HECW1: variants seen among roughly 807,000 people sequenced by gnomAD.
HECW1 encodes the protein HECT, C2 and WW domain containing E3 ubiquitin protein ligase 1, also known as E3 ubiquitin-protein ligase HECW1.
HECW1 carries 61 observed loss-of-function variants against 182.3 expected under a neutral mutation model. That is an observed-to-expected ratio of 0.33 (90% CI 0.27 to 0.41). The LOEUF is 0.41. Among genes scored for constraint, HECW1 ranks in the 10% least tolerant of loss-of-function variants. HECW1 has a pLI of 1.00. For missense variants in HECW1, 1,739 were observed against 2,108.9 expected, an observed-to-expected ratio of 0.82 and a Z score of 3.44; for synonymous variants, 859 against 832.6, an observed-to-expected ratio of 1.03 and a Z score of -0.55.
In HECW1 at chr7:43,288,951, C is replaced by T. The variant is rs1024064593; in HGVS notation, c.28-22812C>T. Reference sequence around the variant, plus strand: ...TACGGGGATATCCAGGTGCGCTATACGCAGTCAAATACAAGCTCCACACAG... The same window carrying T: ...TACGGGGATATCCAGGTGCGCTATATGCAGTCAAATACAAGCTCCACACAG... On this transcript the variant is annotated intron_variant, in intron 3 of 29. Coordinates refer to ENST00000395891, the MANE Select transcript of HECW1 (RefSeq NM_015052.5). Among the ~76,000 whole-genome samples the T allele has an allele frequency of 2.6e-5, 4 of 152,242 alleles. No individual in the cohort carries two copies. The East Asian group carries it at 5.8e-4, about 22-fold the overall frequency.
intron 2 of HECW1, among the ~76,000 whole-genome samples, chr7:43,219,449 A>G (rs1796757624): frequency 1.3e-5 from 2 of 152,092 alleles, no homozygotes; most frequent in African/African-American, 2.4e-5. Flanking sequence ...TACCGAGCTA[A>G]AGAAGGAAGG....
chr7:43,465,774 G>A (rs916609890), intron 14 of HECW1, among the ~76,000 whole-genome samples: 4 of 152,000 alleles, frequency 2.6e-5, no homozygotes, highest in African/African-American at 7.3e-5. Context: ...GCCTGTAGTC[G>A]CAGCTACTCA....
At chr7:43,208,232 A>C (rs1718412691) in intron 2 of HECW1, among the ~76,000 whole-genome samples, 1 of 152,160 alleles carries the variant, frequency 6.6e-6, no homozygotes. Flanking sequence ...AATTCTCTGA[A>C]GTCTGCTCTT....
intron 5 of HECW1, among the ~76,000 whole-genome samples, chr7:43,344,080 C>A (rs1813373022): frequency 6.6e-6 from 1 of 151,734 alleles, no homozygotes; most frequent in Non-Finnish European, 1.5e-5. Flanking sequence ...TGTTCATATC[C>A]TTTGCCCACT....
chr7:43,518,026 C>G (rs963294968), intron 24 of HECW1, among the ~76,000 whole-genome samples: 1 of 152,106 alleles, frequency 6.6e-6, no homozygotes, highest in Non-Finnish European at 1.5e-5. Flanking sequence ...TTAGATTCCT[C>G]TCTACTTTGA....
Position 43,307,986 on chromosome 7 carries a change from C to CATATAAT in HECW1, c.28-3759_28-3753dup, listed in dbSNP as rs1169532465. 4.3e-5 allele frequency among the ~76,000 whole-genome samples: 5 copies of CATATAAT among 115,836 alleles called. No homozygotes were observed. In the East Asian group the frequency reaches 6.8e-4, roughly 16 times the overall value. The allele number at this position is 115,836 out of a possible 152,430, so 76.0% of individuals were successfully genotyped here. On this transcript the variant is annotated intron_variant, in intron 3 of 29. Coordinates refer to ENST00000395891, the MANE Select transcript of HECW1 (RefSeq NM_015052.5). ...ACTGTATATCTTATATATTATAGAACATATAATATATAATATATAATATAC... is the reference window on the plus strand; with the variant it reads ...ACTGTATATCTTATATATTATAGAACATATAATATATAATATATAATATATAATATAC...
chr7:43,198,274 ACACT>A (rs1261816295), intron 2 of HECW1, among the ~76,000 whole-genome samples: 1 of 148,226 alleles, frequency 6.7e-6, no homozygotes, highest in Non-Finnish European at 1.5e-5. Context: ...CACACACCCC[ACACT>A]CACACACCAC....
chr7:43,259,150 G>C (rs1417783872), intron 3 of HECW1, among the ~76,000 whole-genome samples: 3 of 152,170 alleles, frequency 2.0e-5, no homozygotes, highest in Non-Finnish European at 4.4e-5. Flanking sequence ...ACCTTGGGAG[G>C]CAGAGGAGGG....
At chr7:43,416,284 T>G (rs1271364534) in intron 8 of HECW1, among the ~76,000 whole-genome samples, 3 of 150,792 alleles carry the variant, frequency 2.0e-5, no homozygotes, top group African/African-American at 2.5e-5. Flanking sequence ...TGGAGTACCC[T>G]GCTGTGTGAG....
At chr7:43,396,112 T>C (rs1159314259) in intron 6 of HECW1, among the ~76,000 whole-genome samples, 2 of 152,250 alleles carry the variant, frequency 1.3e-5, no homozygotes, top group Non-Finnish European at 2.9e-5. Context: ...CAAAATCATT[T>C]CTGAATAAAA....
intron 5 of HECW1, among the ~76,000 whole-genome samples, chr7:43,357,260 A>G (rs1815273657): frequency 6.6e-6 from 1 of 152,240 alleles, no homozygotes; most frequent in Non-Finnish European, 1.5e-5. Flanking sequence ...TATATCGAAG[A>G]GATACCTGCA....
chr7:43,388,077 C>T (rs1329640951), intron 6 of HECW1, among the ~76,000 whole-genome samples: 1 of 152,188 alleles, frequency 6.6e-6, no homozygotes, highest in Non-Finnish European at 1.5e-5. Flanking sequence ...CAATTGATTG[C>T]CTCACCCTAA....
intron 2 of HECW1, among the ~76,000 whole-genome samples, chr7:43,158,032 G>A (rs1222731665): frequency 6.6e-6 from 1 of 152,186 alleles, no homozygotes; most frequent in African/African-American, 2.4e-5. Flanking sequence ...TCAATACAGT[G>A]AAGTATAATA....
chr7:43,518,698 T>C (rs2330872), intron 24 of HECW1, among the ~76,000 whole-genome samples: 68,277 of 151,554 alleles, frequency 0.45, 15,636 homozygotes, highest in South Asian at 0.66. Context: ...GGAAAACTGG[T>C]AAAGAATATG....
intron 3 of HECW1, among the ~76,000 whole-genome samples, chr7:43,254,348 A>G (rs1045894383): frequency 9.2e-5 from 14 of 152,196 alleles, no homozygotes; most frequent in African/African-American, 1.9e-4. Flanking sequence ...GAGAAGAAAT[A>G]TGGCATGGCC....
At chr7:43,198,763 A>T (rs1430857210) in intron 2 of HECW1, among the ~76,000 whole-genome samples, 1 of 147,444 alleles carries the variant, frequency 6.8e-6, no homozygotes, top group Non-Finnish European at 1.5e-5. Context: ...ATAGATTTGC[A>T]CACTCTCTCA....
intron 26 of HECW1, 82 bp downstream of exon 26, chr7:43,542,080 C>T: frequency 8.1e-7 from 1 of 1,235,046 alleles, no homozygotes; most frequent in East Asian, 2.8e-5. Flanking sequence ...TCATCTTAAT[C>T]ATTTTTAAGT....
Position 43,563,059 on chromosome 7 carries a change from G to C in HECW1, c.*1133G>C, listed in dbSNP as rs187869343. ...ATGGAGTTCAAGTTCCTTTGCATTC[G>C]ATTGTCCATCGGGACCACACTAGGA... On this transcript the variant is annotated 3_prime_UTR_variant, in exon 30 of 30. Coordinates refer to ENST00000395891, the MANE Select transcript of HECW1 (RefSeq NM_015052.5). 1.5e-5 allele frequency: 3 copies of C among 198,660 alleles called. No individual in the cohort carries two copies. The highest frequency in any genetic ancestry group is 3.1e-5 in the Non-Finnish European group (3 of 97,292). 12.3% of individuals were successfully genotyped at this position (198,660 alleles called of 1,614,324 possible). A position where few individuals can be genotyped will look rare whatever the true frequency, so the allele number is the denominator to read the frequency against.
chr7:43,512,365 C>T (rs1306397183), intron 24 of HECW1, among the ~76,000 whole-genome samples: 1 of 152,120 alleles, frequency 6.6e-6, no homozygotes, highest in Non-Finnish European at 1.5e-5. Context: ...AACCACAGAC[C>T]CGAAATAAAC....
Sources: gnomAD v4.1 joint callset for allele counts (sites outside exome capture counted in the v4.1 genomes callset) on GRCh38, gnomAD v4.1.1 for gene constraint, MANE v1.5 for transcripts, NCBI Gene and HGNC (gene_info 2026-07-23, HGNC 2026-07-21) for gene names.